Variants in MED29 observed in about 807,000 individuals in gnomAD.
MED29 encodes mediator complex subunit 29.
In MED29, 14 loss-of-function variants were observed where a neutral mutation model predicts 22.0. The ratio of observed to expected loss-of-function variants is 0.64; its 90% CI spans 0.42 to 0.99. MED29 has a LOEUF of 0.99. MED29 is among the 50% of genes least tolerant of loss of function. The probability of loss-of-function intolerance (pLI) is 0.00; values close to 1 mark genes in which losing one functional copy is unlikely to be tolerated. For synonymous variants in MED29, 123 were observed against 107.8 expected (o/e 1.14, Z -0.87); for missense variants, 241 against 253.7 (o/e 0.95, Z 0.34).
intron 3 of MED29, 56 bp from the exon 4 acceptor site, chr19:39,397,401 G>A: frequency 1.3e-6 from 2 of 1,561,678 alleles, no homozygotes; most frequent in East Asian, 2.3e-5. Flanking sequence ...CCCTTGGGGT[G>A]GGGTAGAATG....
At chr19:39,391,705 G>A (rs373432924) in intron 1 of MED29, 67 bp downstream of exon 1, 1 of 1,497,400 alleles carries the variant, frequency 6.7e-7, no homozygotes, top group Admixed American at 2.2e-5. Context: ...CCGAGGGCCA[G>A]GTTAGTCGGA....
At chr19:39,394,259 T>G (rs530923488) in intron 3 of MED29, among the ~76,000 whole-genome samples, 1 of 152,148 alleles carries the variant, frequency 6.6e-6, no homozygotes, top group South Asian at 2.1e-4. Flanking sequence ...TTTGGACTGG[T>G]TTTTTTGGTG....
rs2078379812 is a variant in MED29 at position 39,391,588 on chromosome 19, C to T, written c.166C>T (p.Pro56Ser). 3 of 1,612,692 alleles carry T rather than the reference C, an allele frequency of 1.9e-6. No individual in the cohort carries two copies. The highest frequency in any genetic ancestry group is 2.5e-6 in the Non-Finnish European group (3 of 1,179,496). The change falls in exon 1 of 4, where the codon CCT becomes TCT. Residue 56 changes from proline to serine, a missense_variant. Physicochemically the swap from Pro to Ser is moderately conservative, Grantham distance 74. Transcript: ENST00000315588. ...GCAGCAACAGCAACAGGACTTCGAT[C>T]CTGTGCAGCGTTATAAGATGCTCAT... ...LLQQQQQDFD[P>S]VQRYKMLIPQ...
chr19:39,392,022 C>CA (rs1227530154), intron 1 of MED29, among the ~76,000 whole-genome samples: 1 of 151,956 alleles, frequency 6.6e-6, no homozygotes, highest in Admixed American at 6.6e-5. Context: ...GAGACTCCGT[C>CA]AAAAAAATAA....
Position 39,391,386 on chromosome 19 carries a change from C to T in MED29, c.-37C>T, listed in dbSNP as rs111562975. On this transcript the variant is annotated 5_prime_UTR_variant, in exon 1 of 4. Coordinates refer to ENST00000315588, the MANE Select transcript of MED29 (RefSeq NM_017592.4). ...TGCTGAAAAGCAACGGGGAGAGACG[C>T]AGTCGTAACGCACTTCCGGCGGTCT... 85 of 1,602,048 alleles carry T rather than the reference C, an allele frequency of 5.3e-5. No individual in the cohort carries two copies. Among genetic ancestry groups the T allele is most frequent in the Non-Finnish European group, 6.7e-5 (79 of 1,170,558 alleles).
intron 3 of MED29, 116 bp from the exon 4 acceptor site, chr19:39,397,341 G>A (rs922817622): frequency 4.6e-5 from 53 of 1,159,454 alleles, no homozygotes; most frequent in Non-Finnish European, 6.5e-5. Context: ...GCCAACCTCT[G>A]ACTCTAAGAC....
At position 39,400,446 on chromosome 19, in the gene MED29, CA is replaced by C. The variant is rs1183259558; in HGVS notation, c.*2753del. ...TTTTAAGTGTAATTAAGTTGAAGAT[CA>C]AAAAATGGAAATGTATAATTAAATC... On this transcript the variant is annotated 3_prime_UTR_variant, in exon 4 of 4. Transcript: ENST00000315588. The C allele has an allele frequency of 2.0e-5, 3 of 151,968 alleles. No homozygotes were observed. The East Asian group carries it at 5.8e-4, about 29-fold the overall frequency. The allele number at this position is 151,968 out of a possible 1,614,324, so 9.4% of individuals were successfully genotyped here.
intron 1 of MED29, 29 bp from the exon 2 acceptor site, chr19:39,392,434 TC>T: frequency 6.2e-7 from 1 of 1,609,460 alleles, no homozygotes; most frequent in Middle Eastern, 1.7e-4. Flanking sequence ...TTTTTCCATT[TC>T]CCACGTGTTT....
intron 1 of MED29, 71 bp from the exon 2 acceptor site, chr19:39,392,393 A>T: frequency 1.5e-6 from 2 of 1,311,222 alleles, no homozygotes; most frequent in Non-Finnish European, 2.2e-6. Flanking sequence ...CTCAAGAAAG[A>T]GTGTAGATCT....
In MED29 at chr19:39,392,530, C is replaced by G; in HGVS notation, c.275+8C>G. 1 of 1,612,982 alleles carries G rather than the reference C, an allele frequency of 6.2e-7. No homozygotes were observed. Among genetic ancestry groups the G allele is most frequent in the Non-Finnish European group, 8.5e-7 (1 of 1,179,084 alleles). On this transcript the variant is annotated splice_region_variant and intron_variant, in intron 2 of 3. Coordinates refer to ENST00000315588, the MANE Select transcript of MED29 (RefSeq NM_017592.4). ...TAACATCGACAATGGACAGTGAGTGCAGCCCCCTTTACCAGGATATTCTAT... is the reference window on the plus strand; with the variant it reads ...TAACATCGACAATGGACAGTGAGTGGAGCCCCCTTTACCAGGATATTCTAT...
chr19:39,391,593 G>T lies in MED29; in HGVS notation c.171G>T (p.Val57=). 6.2e-7 allele frequency: 1 copy of T among 1,612,338 alleles called. No individual in the cohort carries two copies. Among genetic ancestry groups the T allele is most frequent in the Non-Finnish European group, 8.5e-7 (1 of 1,179,248 alleles). ...AACAGCAACAGGACTTCGATCCTGT[G>T]CAGCGTTATAAGATGCTCATCCCGC... ...LQQQQQDFDP[V]QRYKMLIPQL... The change falls in exon 1 of 4, where the codon GTG becomes GTT. Residue 57 remains valine, a synonymous_variant. Transcript: ENST00000315588.
chr19:39,395,437 A>T (rs963319104), intron 3 of MED29, among the ~76,000 whole-genome samples: 1 of 152,140 alleles, frequency 6.6e-6, no homozygotes, highest in Middle Eastern at 3.2e-3. Context: ...GCAGGAGCCC[A>T]AGGGCGCAGC....
At chr19:39,391,681 T>C in intron 1 of MED29, 43 bp downstream of exon 1, 6 of 1,530,244 alleles carry the variant, frequency 3.9e-6, no homozygotes, top group Non-Finnish European at 5.3e-6. Context: ...GATTTGGTAG[T>C]CTAGAGGGGC....
chr19:39,397,689 G>A lies in MED29; in HGVS notation c.593G>A (p.Gly198Asp). 1.2e-6 allele frequency: 2 copies of A among 1,608,902 alleles called. No homozygotes were observed. Among genetic ancestry groups the A allele is most frequent in the Non-Finnish European group, 8.5e-7 (1 of 1,179,566 alleles). Residue 198 changes from glycine to aspartate, a missense_variant, in exon 4 of 4, where the codon GGC (glycine) becomes GAC (aspartate). By Grantham distance (94) the Gly-to-Asp change is moderately conservative. Transcript: ENST00000315588. ...KTPAPPAGPG[G>D]TL ...CCCGCACCACCTGCTGGCCCTGGGG[G>A]CACTCTGTGAAGTGGGGGACAGGGA... is the stretch of plus-strand genomic sequence containing the variant.
At position 39,400,033 on chromosome 19, in the gene MED29, A is replaced by G. The variant is rs941466815; in HGVS notation, c.*2334A>G. The G allele has an allele frequency of 2.0e-5, 3 of 152,222 alleles. No individual in the cohort carries two copies. Among genetic ancestry groups the G allele is most frequent in the Non-Finnish European group, 4.4e-5 (3 of 68,036 alleles). 9.4% of individuals were successfully genotyped at this position (152,222 alleles called of 1,614,324 possible). ...GTTCTAGTGAGAGACAGTAAATGTGACAAAAGTAAAATATATCAGATGGTG... is the reference window on the plus strand; with the variant it reads ...GTTCTAGTGAGAGACAGTAAATGTGGCAAAAGTAAAATATATCAGATGGTG... On this transcript the variant is annotated 3_prime_UTR_variant, in exon 4 of 4. Coordinates refer to ENST00000315588, the MANE Select transcript of MED29 (RefSeq NM_017592.4).
rs2078444026 is a variant in MED29 at position 39,398,652 on chromosome 19, C to G, written c.*953C>G. On this transcript the variant is annotated 3_prime_UTR_variant, in exon 4 of 4. Transcript: ENST00000315588. ...CAAGGAGGGAGTGCCCCCTCAGACT[C>G]CCTGCTTCCCTGGAAGCTTCAGGAA... 1 of 152,418 alleles carries G rather than the reference C, an allele frequency of 6.6e-6. No individual in the cohort carries two copies. Among genetic ancestry groups the G allele is most frequent in the African/African-American group, 2.4e-5 (1 of 41,446 alleles). The allele number at this position is 152,418 out of a possible 1,614,324, so 9.4% of individuals were successfully genotyped here. A position where few individuals can be genotyped will look rare whatever the true frequency, so the allele number is the denominator to read the frequency against.
In MED29 at chr19:39,397,582, G is replaced by T. The variant is rs143909627; in HGVS notation, c.486G>T (p.Ala162=). The T allele has an allele frequency of 8.7e-6, 14 of 1,613,688 alleles. No homozygotes were observed. Among genetic ancestry groups the T allele is most frequent in the Non-Finnish European group, 1.0e-5 (12 of 1,180,030 alleles). Residue 162 remains alanine, a synonymous_variant, in exon 4 of 4, where the codon GCG becomes GCT. Transcript: ENST00000315588. The part of the protein sequence containing the change: ...PDSLPYPQYL[A]VIKAQISCAK... ...GCCTCCCCTACCCACAGTACCTGGC[G>T]GTCATCAAAGCCCAGATTTCCTGTG...
Position 39,397,572 on chromosome 19 carries a change from A to G in MED29, c.476A>G (p.Gln159Arg). The G allele has an allele frequency of 1.9e-6, 3 of 1,613,830 alleles. No homozygotes were observed. The highest frequency in any genetic ancestry group is 1.7e-6 in the Non-Finnish European group (2 of 1,180,022). Residue 159 changes from glutamine (Q) to arginine (R), a missense_variant, in exon 4 of 4, where the codon CAG (glutamine) becomes CGG (arginine). Coordinates refer to ENST00000315588, the MANE Select transcript of MED29 (RefSeq NM_017592.4). ...CAGCCTGACAGCCTCCCCTACCCACAGTACCTGGCGGTCATCAAAGCCCAG... is the reference window on the plus strand; with the variant it reads ...CAGCCTGACAGCCTCCCCTACCCACGGTACCTGGCGGTCATCAAAGCCCAG... The part of the protein sequence containing the change: ...AVQPDSLPYP[Q>R]YLAVIKAQIS...
rs1342029892 is a variant in MED29, at chr19:39,393,592, C to T, written c.315C>T (p.Cys105=). Residue 105 remains cysteine, a synonymous_variant, in exon 3 of 4, where the codon TGC becomes TGT. Coordinates refer to ENST00000315588, the MANE Select transcript of MED29 (RefSeq NM_017592.4). ...GACCCATACAGCGCTTTGACAAGTG[C>T]CTGGAAGAGTTCTATGCACTCTGTG... ...SDGPIQRFDK[C]LEEFYALCDQ... The T allele has an allele frequency of 1.2e-6, 2 of 1,614,116 alleles. No homozygotes were observed. The highest frequency in any genetic ancestry group is 3.3e-5 in the Admixed American group (2 of 60,012).
Sources: gnomAD v4.1 joint callset for allele counts (sites outside exome capture counted in the v4.1 genomes callset) on GRCh38, gnomAD v4.1.1 for gene constraint, MANE v1.5 for transcripts, NCBI Gene and HGNC (gene_info 2026-07-23, HGNC 2026-07-21) for gene names.